Variants in MYBL1 observed in about 807,000 individuals in gnomAD.
MYBL1 encodes myb-related protein A.
A neutral mutation model predicts 96.3 loss-of-function variants in MYBL1; 17 were observed. That is an observed-to-expected ratio of 0.18 (90% CI 0.12 to 0.26). The LOEUF (loss-of-function observed/expected upper bound fraction) is 0.26. Ranked by LOEUF, MYBL1 falls within the 10% of genes least tolerant of loss-of-function variation. The pLI is 1.00. For synonymous variants in MYBL1, 282 were observed against 292.7 expected (o/e 0.96, Z 0.37); for missense variants, 701 against 882.9 (o/e 0.79, Z 2.61).
At chr8:66,585,507 G>A (rs1321343410) in intron 8 of MYBL1, among the ~76,000 whole-genome samples, 4 of 152,108 alleles carry the variant, frequency 2.6e-5, no homozygotes, top group Admixed American at 6.5e-5. Context: ...TTGGGAGGCC[G>A]AGGCAGGCAG....
rs774078130 is a variant in MYBL1, at chr8:66,602,498, A to G, written c.46T>C (p.Tyr16His). Residue 16 changes from tyrosine to histidine, a missense_variant, in exon 2 of 16, where the codon TAT becomes CAT. Physicochemically the swap from Tyr to His is moderately conservative, Grantham distance 83. Around this residue, in one of 5 missense-constraint regions of MYBL1, gnomAD observed 68 missense variants for 93.8 expected, o/e 0.72. Coordinates refer to ENST00000522677, the MANE Select transcript of MYBL1 (RefSeq NM_001080416.4). Reference protein sequence around the residue: ...RSEDEDDDLQYADHDYEVPQQ... With the variant: ...RSEDEDDDLQHADHDYEVPQQ... ...GGTACTTCATAATCATGATCGGCATACTGAAGGTCATCATCCTCATCCTCA... is the reference window on the plus strand; with the variant it reads ...GGTACTTCATAATCATGATCGGCATGCTGAAGGTCATCATCCTCATCCTCA... The G allele has an allele frequency of 6.2e-7, 1 of 1,608,136 alleles. No homozygotes were observed.
chr8:66,601,782 T>C lies in MYBL1; in HGVS notation c.127-13A>G. ...TTAATTTATCATCCTATTAAAACAG[T>C]ACAAAAATTAGAAAGCTTTCCCCCC... On this transcript the variant is annotated splice_polypyrimidine_tract_variant and intron_variant, in intron 2 of 15. Coordinates refer to ENST00000522677, the MANE Select transcript of MYBL1 (RefSeq NM_001080416.4). 3 of 1,422,314 alleles carry C rather than the reference T, an allele frequency of 2.1e-6. No homozygotes were observed. Among genetic ancestry groups the C allele is most frequent in the Non-Finnish European group, 2.9e-6 (3 of 1,040,318 alleles). 88.1% of individuals were successfully genotyped at this position (1,422,314 alleles called of 1,614,324 possible).
chr8:66,590,216 A>G (rs1159617047), intron 8 of MYBL1, among the ~76,000 whole-genome samples: 2 of 152,232 alleles, frequency 1.3e-5, no homozygotes, highest in South Asian at 2.1e-4. Flanking sequence ...TACTATTTCA[A>G]GATCTCAGGT....
At chr8:66,575,660 C>T (rs536722171) in intron 10 of MYBL1, among the ~76,000 whole-genome samples, 6 of 151,990 alleles carry the variant, frequency 3.9e-5, no homozygotes, top group South Asian at 2.1e-4. Context: ...TGTGGTGGCA[C>T]GCATCTATAG....
chr8:66,612,736 T>C, intron 1 of MYBL1, 83 bp downstream of exon 1: 1 of 1,295,656 alleles, frequency 7.7e-7, no homozygotes, highest in Non-Finnish European at 1.0e-6. Context: ...GAGGGCCTTA[T>C]GGCGGGAGGG....
rs971420452 is a variant in MYBL1 at position 66,564,319 on chromosome 8, C to T, written c.*378G>A. The T allele has an allele frequency of 1.3e-5, 2 of 153,448 alleles. No homozygotes were observed. The highest frequency in any genetic ancestry group is 4.8e-5 in the African/African-American group (2 of 41,496). 9.5% of individuals were successfully genotyped at this position (153,448 alleles called of 1,614,324 possible). A position where few individuals can be genotyped will look rare whatever the true frequency, so the allele number is the denominator to read the frequency against. On this transcript the variant is annotated 3_prime_UTR_variant, in exon 16 of 16. Coordinates refer to ENST00000522677, the MANE Select transcript of MYBL1 (RefSeq NM_001080416.4). ...ATCATGTGTGCTTTCCATACATAGACTAATTTCAGAAATCATATATACTCA... is the reference window on the plus strand; with the variant it reads ...ATCATGTGTGCTTTCCATACATAGATTAATTTCAGAAATCATATATACTCA...
chr8:66,604,889 A>C (rs1036487521), intron 1 of MYBL1, among the ~76,000 whole-genome samples: 22 of 152,192 alleles, frequency 1.4e-4, no homozygotes, highest in African/African-American at 5.3e-4. Flanking sequence ...GGAGAAACAG[A>C]ACTTTGGGAG....
In MYBL1 at chr8:66,593,176, C is replaced by T; in HGVS notation, c.706G>A (p.Val236Met). 1 of 1,581,576 alleles carries T rather than the reference C, an allele frequency of 6.3e-7. No homozygotes were observed. The highest frequency in any genetic ancestry group is 8.6e-7 in the Non-Finnish European group (1 of 1,159,386). The change falls in exon 7 of 16, where the codon GTG becomes ATG. Residue 236 changes from valine to methionine, a missense_variant. Coordinates refer to ENST00000522677, the MANE Select transcript of MYBL1 (RefSeq NM_001080416.4). ...TCTATACAATTGCCTTCAGGTGACACATACTGATACCCAGGGATCTAAAAA... is the reference window on the plus strand; with the variant it reads ...TCTATACAATTGCCTTCAGGTGACATATACTGATACCCAGGGATCTAAAAA... ...IPVQIPGYQY[V>M]SPEGNCIEHV...
intron 3 of MYBL1, among the ~76,000 whole-genome samples, chr8:66,600,102 T>C (rs1391910144): frequency 6.6e-6 from 1 of 152,136 alleles, no homozygotes; most frequent in Non-Finnish European, 1.5e-5. Context: ...GAATAAGAAA[T>C]CCTACGCAGT....
rs978787496 is a variant in MYBL1, at chr8:66,613,059, C to T, written c.-221G>A. ...CGGCCCGCAGCGCCGCTCTTAGCCCCGGCCCGGCCCGGCCAGGGATACCCC... is the reference window on the plus strand; with the variant it reads ...CGGCCCGCAGCGCCGCTCTTAGCCCTGGCCCGGCCCGGCCAGGGATACCCC... On this transcript the variant is annotated 5_prime_UTR_variant, in exon 1 of 16. Transcript: ENST00000522677. The T allele has an allele frequency of 4.7e-6, 2 of 429,362 alleles. No homozygotes were observed. Among genetic ancestry groups the T allele is most frequent in the Non-Finnish European group, 8.0e-6 (2 of 251,546 alleles). 26.6% of individuals were successfully genotyped at this position (429,362 alleles called of 1,614,324 possible). A position where few individuals can be genotyped will look rare whatever the true frequency, so the allele number is the denominator to read the frequency against.
chr8:66,605,253 A>T (rs1810267074), intron 1 of MYBL1, among the ~76,000 whole-genome samples: 1 of 152,190 alleles, frequency 6.6e-6, no homozygotes, highest in African/African-American at 2.4e-5. Flanking sequence ...ACAGTTCAAG[A>T]GCTCAATAGC....
intron 8 of MYBL1, among the ~76,000 whole-genome samples, chr8:66,584,657 A>G (rs1478185681): frequency 6.6e-6 from 1 of 152,072 alleles, no homozygotes; most frequent in Non-Finnish European, 1.5e-5. Flanking sequence ...TCAGGAGTTC[A>G]AGACCAGCCT....
At chr8:66,593,055 C>A (rs925499754) in intron 7 of MYBL1, 65 bp downstream of exon 7, 1 of 1,010,708 alleles carries the variant, frequency 9.9e-7, no homozygotes, top group South Asian at 1.5e-5. Context: ...GAAATAGATA[C>A]TATTAGGCTT....
chr8:66,601,289 T>C (rs898703750), intron 3 of MYBL1, among the ~76,000 whole-genome samples: 2 of 147,656 alleles, frequency 1.4e-5, no homozygotes, highest in Non-Finnish European at 1.5e-5. Flanking sequence ...ATAGGCATAA[T>C]AGTTTTTAAA....
chr8:66,564,909 T>C, intron 15 of MYBL1, 84 bp from the exon 16 acceptor site: 1 of 818,960 alleles, frequency 1.2e-6, no homozygotes, highest in Non-Finnish European at 1.7e-6. Context: ...TCAGTTATTT[T>C]AACTGATTAG....
At chr8:66,587,520 C>A (rs558725047) in intron 8 of MYBL1, among the ~76,000 whole-genome samples, 1 of 152,078 alleles carries the variant, frequency 6.6e-6, no homozygotes, top group African/African-American at 2.4e-5. Flanking sequence ...ATCTTGCAAG[C>A]CTAGTTTTCT....
At chr8:66,607,754 GAAAC>G (rs1810379028) in intron 1 of MYBL1, among the ~76,000 whole-genome samples, 1 of 150,014 alleles carries the variant, frequency 6.7e-6, no homozygotes, top group African/African-American at 2.4e-5. Context: ...AGAACCTGCT[GAAAC>G]AAACATTTTA....
At position 66,564,522 on chromosome 8, in the gene MYBL1, A is replaced by AC; in HGVS notation, c.*174dup. The AC allele has an allele frequency of 5.1e-6, 2 of 392,248 alleles. 1 individual carries two copies. Among genetic ancestry groups the AC allele is most frequent in the Non-Finnish European group, 8.9e-6 (2 of 225,658 alleles). The allele number at this position is 392,248 out of a possible 1,614,324, so 24.3% of individuals were successfully genotyped here. ...TAAAAAATAAACTATGAAACTATCT[A>AC]CCCCTTAAGTGACTTACTAGCTTTC... On this transcript the variant is annotated 3_prime_UTR_variant, in exon 16 of 16. Transcript: ENST00000522677.
intron 6 of MYBL1, among the ~76,000 whole-genome samples, chr8:66,593,484 C>T (rs553433803): frequency 1.3e-5 from 2 of 152,258 alleles, no homozygotes; most frequent in South Asian, 4.1e-4. Context: ...ATCTGACATT[C>T]ACCAAATATA....
Sources: gnomAD v4.1 joint callset for allele counts (sites outside exome capture counted in the v4.1 genomes callset) on GRCh38, gnomAD v4.1.1 for gene constraint, gnomAD v4.1.1 regional missense constraint, MANE v1.5 for transcripts, NCBI Gene and HGNC (gene_info 2026-07-23, HGNC 2026-07-21) for gene names.